TASOR2: variants seen among roughly 807,000 people sequenced by gnomAD.
TASOR2 encodes protein TASOR 2.
TASOR2 carries 84 observed loss-of-function variants against 199.5 expected under a neutral mutation model. The ratio of observed to expected loss-of-function variants is 0.42; its 90% CI spans 0.35 to 0.50. TASOR2 has a LOEUF of 0.50. Among genes scored for constraint, TASOR2 ranks in the 20% least tolerant of loss-of-function variants. The pLI is 0.02. For missense variants in TASOR2, 2,796 were observed against 2,835.9 expected (o/e 0.99, Z 0.32); for synonymous variants, 1,103 against 1,046.6 (o/e 1.05, Z -1.04).
chr10:5,705,755 A>G (rs76544914), intron 1 of TASOR2, among the ~76,000 whole-genome samples: 4,652 of 152,096 alleles, frequency 0.031, 98 homozygotes, highest in South Asian at 0.083. Flanking sequence ...TCTTTTTATT[A>G]TATGCTTTAT....
At position 5,722,831 on chromosome 10, in the gene TASOR2, A is replaced by G. The variant is rs570249279; in HGVS notation, c.147-846A>G. The stretch of plus-strand genomic sequence containing the variant: ...GAAACCAGCCTGGCCAATACGGTGA[A>G]ACGCTGTCTCCACTGAAAATACAAA... On this transcript the variant is annotated intron_variant, in intron 6 of 20. Coordinates refer to ENST00000328090, the Ensembl canonical transcript of TASOR2. This position sits in a 1 kb window ranked among gnomAD's most constrained non-coding sequence, Gnocchi z 4.0. Among the ~76,000 whole-genome samples the G allele has an allele frequency of 1.4e-4, 21 of 151,914 alleles. No individual in the cohort carries two copies. The highest frequency in any genetic ancestry group is 8.3e-4 in the South Asian group (4 of 4,804).
chr10:5,724,702 GT>G (rs1197535493), intron 8 of TASOR2, among the ~76,000 whole-genome samples, 169 bp downstream of exon 9: 1 of 149,072 alleles, frequency 6.7e-6, no homozygotes, highest in African/African-American at 2.4e-5. Flanking sequence ...TATATTAGTT[GT>G]GCTGAAAGGA....
At chr10:5,739,632 G>A (rs1299858138) in exon 13 of TASOR2, 1 of 1,611,736 alleles carries the variant, frequency 6.2e-7, no homozygotes, top group Admixed American at 1.7e-5. Context: ...AGGAGAAACT[G>A]CTTCAAAGCT....
chr10:5,703,063 G>A (rs1469537088), intron 1 of TASOR2, among the ~76,000 whole-genome samples: 3 of 152,078 alleles, frequency 2.0e-5, no homozygotes, highest in Non-Finnish European at 4.4e-5. Context: ...AAACATTCAG[G>A]GTTTTACATC....
rs199832181 is a variant in TASOR2 at position 5,753,764 on chromosome 10, GAA to G, written c.6607-2846_6607-2845del. On this transcript the variant is annotated intron_variant, in intron 15 of 20. Transcript: ENST00000328090. ...CATTTCGGTAAGCAGCACTGTAGTT[GAA>G]AAGTTATTGAATGGTCTTCACTCTC... Among the ~76,000 whole-genome samples, 4 of 152,208 alleles carry G rather than the reference GAA, an allele frequency of 2.6e-5. 1 individual carries two copies. In the East Asian group the frequency reaches 7.7e-4, roughly 29 times the overall value.
chr10:5,755,082 G>A (rs1335356014), intron 15 of TASOR2, among the ~76,000 whole-genome samples: 1 of 151,032 alleles, frequency 6.6e-6, no homozygotes, highest in Non-Finnish European at 1.5e-5. Flanking sequence ...AAATCTGAGG[G>A]TGTGACAGAA....
Position 5,752,267 on chromosome 10 carries a change from T to C in TASOR2, c.6606+2240T>C, listed in dbSNP as rs1407554192. Among the ~76,000 whole-genome samples, 1 of 152,076 alleles carries C rather than the reference T, an allele frequency of 6.6e-6. No homozygotes were observed. The highest frequency in any genetic ancestry group is 2.4e-5 in the African/African-American group (1 of 41,404). On this transcript the variant is annotated intron_variant, in intron 15 of 20. Coordinates refer to ENST00000328090, the Ensembl canonical transcript of TASOR2. The surrounding 1 kb of genome is among the most constrained non-coding windows in gnomAD (Gnocchi z 4.4). ...ATTAAAAGAGTCACACAAATAAATG[T>C]GAAATGAAAGTGATGGTAAATGTGA... is the stretch of plus-strand genomic sequence containing the variant.
At position 5,706,554 on chromosome 10, in the gene TASOR2, C is replaced by G. The variant is rs1368782473; in HGVS notation, c.-287-6269C>G. 6.6e-6 allele frequency among the ~76,000 whole-genome samples: 1 copy of G among 152,094 alleles called. No individual in the cohort carries two copies. The highest frequency in any genetic ancestry group is 1.9e-4 in the East Asian group (1 of 5,198). Reference sequence around the variant, plus strand: ...GACAAAATCTTTGATCTATCTTTATCCAGAGGATATTGTTAGTTCTCTAGA... The same window carrying G: ...GACAAAATCTTTGATCTATCTTTATGCAGAGGATATTGTTAGTTCTCTAGA... On this transcript the variant is annotated intron_variant, in intron 1 of 20. Transcript: ENST00000328090. This position sits in a 1 kb window ranked among gnomAD's most constrained non-coding sequence, Gnocchi z 4.8.
At chr10:5,732,999 C>T (rs943014751) in intron 11 of TASOR2, among the ~76,000 whole-genome samples, 6 of 152,168 alleles carry the variant, frequency 3.9e-5, no homozygotes, top group African/African-American at 1.4e-4. Context: ...CCAGGCCAAC[C>T]ATACTGTTCT....
At chr10:5,686,152 C>G (rs537713988) in intron 1 of TASOR2, among the ~76,000 whole-genome samples, 1 of 152,210 alleles carries the variant, frequency 6.6e-6, no homozygotes, top group East Asian at 1.9e-4. Flanking sequence ...AATAACTAAG[C>G]CAGGCCAGAA....
rs1835710278 is a variant in TASOR2, at chr10:5,685,502, G to C, written c.-288+327G>C. ...CTCAGGGATATGCTGATAAGTTCTT[G>C]GCTGAAGTTTCCGTCTTCGGGTTTG... On this transcript the variant is annotated intron_variant, in intron 1 of 20. Coordinates refer to ENST00000328090, the Ensembl canonical transcript of TASOR2. The surrounding 1 kb of genome is among the most constrained non-coding windows in gnomAD (Gnocchi z 5.4). 6.6e-6 allele frequency among the ~76,000 whole-genome samples: 1 copy of C among 152,192 alleles called. No individual in the cohort carries two copies. The highest frequency in any genetic ancestry group is 6.5e-5 in the Admixed American group (1 of 15,284).
At position 5,748,951 on chromosome 10, in the gene TASOR2, G is replaced by T; in HGVS notation, c.5530G>T (p.Asp1844Tyr). 1 of 1,614,094 alleles carries T rather than the reference G, an allele frequency of 6.2e-7. No homozygotes were observed. Among genetic ancestry groups the T allele is most frequent in the Non-Finnish European group, 8.5e-7 (1 of 1,180,026 alleles). ...TGGTGATTGTAGAAATCCCAGACTG[G>T]ATTTGGAGGATTCTTATACTTTAAG... Residue 1844 changes from aspartate to tyrosine, a missense_variant, in exon 15 of 21, where the codon GAT becomes TAT. By Grantham distance (160) the Asp-to-Tyr change is radical. Around this residue, in one of 3 missense-constraint regions of TASOR2, gnomAD observed 1,941 missense variants for 1,924.9 expected, o/e 1.01. Transcript: ENST00000328090. This position sits in a 1 kb window ranked among gnomAD's most constrained non-coding sequence, Gnocchi z 5.1.
chr10:5,745,847 T>C (rs1837112652), intron 14 of TASOR2, among the ~76,000 whole-genome samples: 1 of 152,198 alleles, frequency 6.6e-6, no homozygotes, highest in South Asian at 2.1e-4. Flanking sequence ...GCTACACTTC[T>C]GGATTAAGCG....
intron 8 of TASOR2, 66 bp from the exon 10 acceptor site, chr10:5,726,819 T>G: frequency 1.4e-6 from 2 of 1,390,390 alleles, no homozygotes; most frequent in Non-Finnish European, 1.0e-6. Flanking sequence ...CTAATGAGTA[T>G]GGGTAGAGGG....
At chr10:5,707,741 CA>C (rs1838838048) in intron 1 of TASOR2, among the ~76,000 whole-genome samples, 1 of 78,312 alleles carries the variant, frequency 1.3e-5, no homozygotes, top group African/African-American at 3.4e-5. Flanking sequence ...CACACACACA[CA>C]CACACACACA....
At chr10:5,704,709 GT>G (rs1564265496) in intron 1 of TASOR2, among the ~76,000 whole-genome samples, 1 of 151,862 alleles carries the variant, frequency 6.6e-6, no homozygotes, top group East Asian at 1.9e-4. Flanking sequence ...TTCTTTAAAT[GT>G]TTTTCTTTTG....
chr10:5,718,254 A>C, intron 3 of TASOR2, among the ~76,000 whole-genome samples: 1 of 151,956 alleles, frequency 6.6e-6, no homozygotes. Context: ...TTTTCACCCA[A>C]ACAGAAGGGA....
chr10:5,726,075 A>G (rs1227909878), intron 8 of TASOR2, among the ~76,000 whole-genome samples: 3 of 152,228 alleles, frequency 2.0e-5, no homozygotes, highest in Admixed American at 2.0e-4. Context: ...GTTCTGTAAA[A>G]TGGTATATTT....
intron 10 of TASOR2, among the ~76,000 whole-genome samples, chr10:5,727,560 CA>C (rs1010955213): frequency 2.0e-5 from 3 of 151,018 alleles, no homozygotes; most frequent in Admixed American, 1.3e-4. Context: ...CTCCTGGGGG[CA>C]AAAAAAATTA....
Sources: allele counts gnomAD v4.1 joint callset (sites outside exome capture counted in the v4.1 genomes callset), GRCh38; gene constraint gnomAD v4.1.1; regional missense constraint gnomAD v4.1.1; non-coding constraint Gnocchi (gnomAD v3.1); transcripts MANE v1.5; gene names NCBI Gene and HGNC (gene_info 2026-07-23, HGNC 2026-07-21).